RGS7: variants seen among roughly 807,000 people sequenced by gnomAD.
RGS7 encodes the protein regulator of G-protein signaling 7.
Under a neutral mutation model 81.1 loss-of-function variants are expected in RGS7, and 27 were observed. The observed-to-expected ratio is 0.33, with a 90% confidence interval of 0.25 to 0.46. The LOEUF is 0.46. Ranked by LOEUF, RGS7 falls within the 20% of genes least tolerant of loss-of-function variation. The pLI is 1.00. For missense variants in RGS7, 396 were observed against 607.4 expected, an observed-to-expected ratio of 0.65 and a Z score of 3.66; for synonymous variants, 208 against 207.7, an observed-to-expected ratio of 1.00 and a Z score of -0.01.
At chr1:241,298,916 A>G (rs1558288354) in intron 2 of RGS7, among the ~76,000 whole-genome samples, 1 of 152,168 alleles carries the variant, frequency 6.6e-6, no homozygotes, top group Admixed American at 6.5e-5. Context: ...AAGCTTCTAG[A>G]GAAAAAAAAT....
chr1:241,080,058 G>A (rs1209340003), intron 3 of RGS7, among the ~76,000 whole-genome samples: 6 of 151,884 alleles, frequency 4.0e-5, no homozygotes, highest in Admixed American at 1.3e-4. Flanking sequence ...TGACTTTGAC[G>A]ATTTTATTCT....
chr1:240,969,110 T>C (rs1682795846), intron 4 of RGS7, among the ~76,000 whole-genome samples: 1 of 152,248 alleles, frequency 6.6e-6, no homozygotes, highest in Non-Finnish European at 1.5e-5. Flanking sequence ...CATCCTTAGA[T>C]GATATCTTCT....
intron 2 of RGS7, among the ~76,000 whole-genome samples, chr1:241,130,341 A>G (rs1295327393): frequency 6.7e-6 from 1 of 148,440 alleles, no homozygotes; most frequent in Non-Finnish European, 1.5e-5. Flanking sequence ...GATTAACATA[A>G]ATTAAAAAAA....
At chr1:240,973,961 G>A (rs540058028) in intron 4 of RGS7, among the ~76,000 whole-genome samples, 79 of 152,190 alleles carry the variant, frequency 5.2e-4, no homozygotes, top group African/African-American at 1.7e-3. Flanking sequence ...AACTAAATTC[G>A]TGGAATACAA....
chr1:240,923,286 T>C (rs968728163), intron 6 of RGS7, among the ~76,000 whole-genome samples: 1 of 152,034 alleles, frequency 6.6e-6, no homozygotes, highest in Non-Finnish European at 1.5e-5. Flanking sequence ...ACAGAATGTA[T>C]AACACAAAGA....
At chr1:241,176,943 C>T (rs147164734) in intron 2 of RGS7, among the ~76,000 whole-genome samples, 3 of 152,224 alleles carry the variant, frequency 2.0e-5, no homozygotes, top group Non-Finnish European at 2.9e-5. Flanking sequence ...GATATGTCAC[C>T]GTCTCACCAA....
intron 2 of RGS7, among the ~76,000 whole-genome samples, chr1:241,129,394 C>T (rs560944648): frequency 1.3e-5 from 2 of 152,214 alleles, no homozygotes; most frequent in Admixed American, 1.3e-4. Flanking sequence ...AGATTCTTTC[C>T]GTATTCTGAC....
intron 2 of RGS7, among the ~76,000 whole-genome samples, chr1:241,255,649 T>G (rs1399975689): frequency 7.2e-5 from 11 of 152,210 alleles, no homozygotes; most frequent in Non-Finnish European, 1.6e-4. Context: ...CTGAGAGATC[T>G]GCAATGTGCT....
chr1:240,985,055 A>G (rs552737919), intron 3 of RGS7, among the ~76,000 whole-genome samples: 18 of 152,328 alleles, frequency 1.2e-4, no homozygotes, highest in Admixed American at 9.2e-4. Flanking sequence ...TGGAAAGGAG[A>G]TCATTCTCCA....
chr1:241,112,723 T>G (rs547545910), intron 2 of RGS7, among the ~76,000 whole-genome samples: 1 of 152,320 alleles, frequency 6.6e-6, no homozygotes, highest in African/African-American at 2.4e-5. Flanking sequence ...TTAAGATCAA[T>G]GAGTAAACTG....
chr1:240,884,240 G>C (rs1666963531), intron 6 of RGS7, among the ~76,000 whole-genome samples: 1 of 152,092 alleles, frequency 6.6e-6, no homozygotes, highest in Non-Finnish European at 1.5e-5. Context: ...TGTGAGCTCA[G>C]TATGAATTAA....
intron 2 of RGS7, among the ~76,000 whole-genome samples, chr1:241,198,315 A>G (rs1422871826): frequency 6.6e-6 from 1 of 152,072 alleles, no homozygotes; most frequent in Non-Finnish European, 1.5e-5. Flanking sequence ...AAATGCAAAT[A>G]AAGTGAAAAC....
chr1:240,921,432 G>C (rs1005304575), intron 6 of RGS7, among the ~76,000 whole-genome samples: 1 of 151,824 alleles, frequency 6.6e-6, no homozygotes, highest in African/African-American at 2.4e-5. Flanking sequence ...CTAGGTAATG[G>C]AATAAGACAA....
chr1:240,813,650 G>A lies in RGS7; in HGVS notation c.924C>T (p.Ser308=), dbSNP rs550551879. The A allele has an allele frequency of 1.2e-5, 19 of 1,613,532 alleles. No individual in the cohort carries two copies. Among genetic ancestry groups the A allele is most frequent in the South Asian group, 5.5e-5 (5 of 91,062 alleles). Residue 308 remains serine, a synonymous_variant, in exon 13 of 19, where the codon TCC becomes TCT. Coordinates refer to ENST00000440928, the MANE Select transcript of RGS7 (RefSeq NM_001364886.1). ...CAAGTTCCCAGAAAGTGGTGTCATCGGACAGCCATGGGTTAGAAGGGTCAG... is the reference window on the plus strand; with the variant it reads ...CAAGTTCCCAGAAAGTGGTGTCATCAGACAGCCATGGGTTAGAAGGGTCAG... ...LPPDPSNPWL[S]DDTTFWELEA...
At chr1:240,969,544 C>T (rs1682869676) in intron 4 of RGS7, among the ~76,000 whole-genome samples, 1 of 152,174 alleles carries the variant, frequency 6.6e-6, no homozygotes, top group Non-Finnish European at 1.5e-5. Flanking sequence ...AGATAAAAGA[C>T]AGAAATTCTA....
At chr1:240,923,445 C>A (rs1457237762) in intron 6 of RGS7, among the ~76,000 whole-genome samples, 1 of 152,000 alleles carries the variant, frequency 6.6e-6, no homozygotes, top group South Asian at 2.1e-4. Flanking sequence ...GAACTCTCTG[C>A]ATATTTTGTT....
chr1:240,983,290 A>G (rs1055607434), intron 3 of RGS7, among the ~76,000 whole-genome samples, 161 bp from the exon 4 acceptor site: 36 of 152,226 alleles, frequency 2.4e-4, no homozygotes, highest in African/African-American at 8.2e-4. Flanking sequence ...CTGAAAACAC[A>G]AAGTATGGAT....
intron 2 of RGS7, among the ~76,000 whole-genome samples, chr1:241,344,862 C>T (rs2082785863): frequency 6.6e-6 from 1 of 152,172 alleles, no homozygotes; most frequent in Admixed American, 6.5e-5. Context: ...GCTGTTAAAC[C>T]TTGGGCACTG....
chr1:240,967,304 TG>T (rs1682466874), intron 4 of RGS7, among the ~76,000 whole-genome samples: 1 of 152,148 alleles, frequency 6.6e-6, no homozygotes, highest in South Asian at 2.1e-4. Context: ...AAGATTTTAG[TG>T]ATATTGGCCA....
Sources: gnomAD v4.1 joint callset for allele counts (sites outside exome capture counted in the v4.1 genomes callset) on GRCh38, gnomAD v4.1.1 for gene constraint, MANE v1.5 for transcripts, NCBI Gene and HGNC (gene_info 2026-07-23, HGNC 2026-07-21) for gene names.